The following UNC13C variants were observed in gnomAD, a reference collection of about 807,000 sequenced individuals.
The protein encoded by UNC13C is unc-13 homolog C.
UNC13C carries 174 observed loss-of-function variants against 245.4 expected under a neutral mutation model. The ratio of observed to expected loss-of-function variants is 0.71; its 90% confidence interval spans 0.63 to 0.80. UNC13C has a LOEUF of 0.80. UNC13C is among the 30% of genes least tolerant of loss of function. The pLI is 0.00. For synonymous variants in UNC13C, 992 were observed against 895.1 expected (o/e 1.11, Z -1.93); for missense variants, 2,829 against 2,602.9 (o/e 1.09, Z -1.89).
At position 54,015,269 on chromosome 15, in the gene UNC13C, A is replaced by G. The variant is rs768126072; in HGVS notation, c.2366A>G (p.Asp789Gly). The G allele has an allele frequency of 3.7e-6, 6 of 1,608,582 alleles. No individual in the cohort carries two copies. Among genetic ancestry groups the G allele is most frequent in the Non-Finnish European group, 5.1e-6 (6 of 1,177,156 alleles). Residue 789 changes from aspartate to glycine, a missense_variant, in exon 2 of 33, where the codon GAT (aspartate) becomes GGT (glycine). Asp to Gly is a moderately conservative substitution (Grantham distance 94). Transcript: ENST00000260323. ...AGTCGATTAAGCATTGACCTTTCTG[A>G]TAAGACTTTCAGCTTCCCAAAATTT... ...WHSRLSIDLS[D>G]KTFSFPKFGS...
At chr15:54,038,116 A>ATTTTTTTTTTTT (rs1315947594) in intron 2 of UNC13C, among the ~76,000 whole-genome samples, 2 of 22,584 alleles carry the variant, frequency 8.9e-5, no homozygotes, top group African/African-American at 1.9e-4. Context: ...ATATATATAT[A>ATTTTTTTTTTTT]TATATATATT....
At chr15:53,964,669 G>A in the UNC13C span, among the ~76,000 whole-genome samples, 2 of 152,060 alleles carry the variant, frequency 1.3e-5, no homozygotes, top group Admixed American at 6.6e-5. Context: ...GTACCTACCC[G>A]AGCCAGAAAT....
intron 17 of UNC13C, among the ~76,000 whole-genome samples, chr15:54,360,360 A>T (rs1043960435): frequency 3.3e-5 from 5 of 151,996 alleles, no homozygotes; most frequent in Non-Finnish European, 7.4e-5. Flanking sequence ...TTCTTTGTTG[A>T]TTTTCTGCCT....
chr15:53,935,604 T>G, the UNC13C span, among the ~76,000 whole-genome samples: 1 of 152,188 alleles, frequency 6.6e-6, no homozygotes, highest in African/African-American at 2.4e-5. Context: ...ATTCCATATC[T>G]TCAACTGAGG....
the UNC13C span, among the ~76,000 whole-genome samples, chr15:53,936,889 C>G: frequency 6.6e-6 from 1 of 152,150 alleles, no homozygotes; most frequent in Admixed American, 6.6e-5. Flanking sequence ...TCAGCAACCT[C>G]AAAGACCAAA....
At chr15:53,952,698 G>T in the UNC13C span, among the ~76,000 whole-genome samples, 1 of 152,134 alleles carries the variant, frequency 6.6e-6, no homozygotes, top group Non-Finnish European at 1.5e-5. Context: ...TTAGGAATCC[G>T]CTGTGCTGGC....
intron 19 of UNC13C, among the ~76,000 whole-genome samples, chr15:54,457,089 G>T (rs992126995): frequency 6.6e-6 from 1 of 152,032 alleles, no homozygotes; most frequent in Middle Eastern, 3.2e-3. Context: ...AATCAGGAAG[G>T]GATGCTGGAT....
the UNC13C span, among the ~76,000 whole-genome samples, chr15:53,879,563 TA>T: frequency 6.6e-5 from 10 of 152,200 alleles, no homozygotes; most frequent in Non-Finnish European, 1.0e-4. Flanking sequence ...GTATACTTGT[TA>T]TTTTTTTTAA....
chr15:54,151,724 C>A (rs575746005), intron 4 of UNC13C, among the ~76,000 whole-genome samples: 9 of 152,234 alleles, frequency 5.9e-5, no homozygotes, highest in Non-Finnish European at 1.3e-4. Context: ...AGATCAAGAT[C>A]CCTTTCAAGC....
At chr15:53,908,735 G>GT in the UNC13C span, among the ~76,000 whole-genome samples, 2 of 81,066 alleles carry the variant, frequency 2.5e-5, no homozygotes, top group Admixed American at 1.7e-4. Context: ...CTGGGTGACA[G>GT]AATGAGAACC....
At chr15:54,045,754 T>C (rs1277783532) in intron 2 of UNC13C, among the ~76,000 whole-genome samples, 1 of 152,228 alleles carries the variant, frequency 6.6e-6, no homozygotes, top group Admixed American at 6.5e-5. Context: ...ACTTCGAGAT[T>C]CTGAGAATAT....
intron 12 of UNC13C, 114 bp from the exon 13 acceptor site, chr15:54,300,096 T>C (rs16974472): frequency 0.021 from 18,848 of 888,590 alleles, 267 homozygotes; most frequent in Middle Eastern, 0.04. Flanking sequence ...TTGCAGATGC[T>C]GATGAAACAT....
chr15:54,446,425 A>G (rs1353832835), intron 19 of UNC13C, among the ~76,000 whole-genome samples: 1 of 152,186 alleles, frequency 6.6e-6, no homozygotes, highest in African/African-American at 2.4e-5. Flanking sequence ...CCTATCCATG[A>G]GCATGGAATG....
chr15:54,320,612 C>G, intron 13 of UNC13C: 1 of 203,618 alleles, frequency 4.9e-6, no homozygotes, highest in Non-Finnish European at 9.9e-6. Context: ...TTGACAGCAG[C>G]AAGCCCTGTC....
At chr15:54,259,619 A>T (rs1027976389) in intron 8 of UNC13C, among the ~76,000 whole-genome samples, 5 of 152,242 alleles carry the variant, frequency 3.3e-5, no homozygotes, top group Non-Finnish European at 5.9e-5. Context: ...ATTCAAGATC[A>T]GATTTGGGCG....
At chr15:54,251,444 C>T (rs540443317) in intron 8 of UNC13C, among the ~76,000 whole-genome samples, 3 of 152,176 alleles carry the variant, frequency 2.0e-5, no homozygotes, top group Non-Finnish European at 4.4e-5. Flanking sequence ...GTAGATGCTC[C>T]ATAAATATTA....
chr15:53,873,287 G>A, the UNC13C span, among the ~76,000 whole-genome samples: 1 of 152,100 alleles, frequency 6.6e-6, no homozygotes, highest in Non-Finnish European at 1.5e-5. Context: ...GGAGACTGGG[G>A]TTCTTGCAAA....
chr15:53,895,028 C>G, the UNC13C span, among the ~76,000 whole-genome samples: 1 of 151,432 alleles, frequency 6.6e-6, no homozygotes, highest in Non-Finnish European at 1.5e-5. Flanking sequence ...GATCAGTTTC[C>G]ATGAATAAAG....
chr15:54,628,706 A>ATAT (rs1415559522), downstream of UNC13C: 6 of 152,282 alleles, frequency 3.9e-5, no homozygotes, highest in Non-Finnish European at 1.5e-5. Flanking sequence ...AATAGTCTTC[A>ATAT]TATTATTTGG....
Sources: gnomAD v4.1 joint callset for allele counts (sites outside exome capture counted in the v4.1 genomes callset) on GRCh38, gnomAD v4.1.1 for gene constraint, MANE v1.5 for transcripts, NCBI Gene and HGNC (gene_info 2026-07-23, HGNC 2026-07-21) for gene names.